The following CSGALNACT1 variants were observed in gnomAD, a reference collection of about 807,000 sequenced individuals.
The protein encoded by CSGALNACT1 is chondroitin sulfate N-acetylgalactosaminyltransferase 1.
Under a neutral mutation model 51.0 loss-of-function variants are expected in CSGALNACT1, and 52 were observed. The observed-to-expected ratio is 1.02, with a 90% confidence interval of 0.82 to 1.29. The LOEUF is 1.29. Among genes scored for constraint, CSGALNACT1 ranks in the 50% most tolerant of loss-of-function variants. The pLI, the probability that CSGALNACT1 is intolerant of heterozygous loss-of-function variation, is 0.00. For synonymous variants in CSGALNACT1, 341 were observed against 254.4 expected (o/e 1.34, Z -3.24); for missense variants, 935 against 679.2 (o/e 1.38, Z -4.19).
At chr8:19,491,205 T>C (rs2074289416) in intron 4 of CSGALNACT1, among the ~76,000 whole-genome samples, 1 of 152,168 alleles carries the variant, frequency 6.6e-6, no homozygotes, top group African/African-American at 2.4e-5. Flanking sequence ...CTTTGTCCTA[T>C]GTTAATATTT....
chr8:19,653,797 TAAAA>T (rs111466105), intron 1 of CSGALNACT1, among the ~76,000 whole-genome samples: 2 of 147,844 alleles, frequency 1.4e-5, no homozygotes, highest in South Asian at 2.2e-4. Context: ...TACCTTGTCT[TAAAA>T]AAAAAAAAAA....
intron 4 of CSGALNACT1, among the ~76,000 whole-genome samples, chr8:19,502,842 C>A (rs1246401966): frequency 2.6e-5 from 4 of 152,164 alleles, no homozygotes; most frequent in Non-Finnish European, 5.9e-5. Context: ...TTGAAAAGGT[C>A]CCCAAATGTA....
chr8:19,486,348 C>T (rs1029793369), intron 4 of CSGALNACT1, among the ~76,000 whole-genome samples: 9 of 152,126 alleles, frequency 5.9e-5, no homozygotes, highest in African/African-American at 1.9e-4. Context: ...CCTACCTCCC[C>T]AAGTCTATTC....
At chr8:19,544,566 G>A (rs1361254365) in intron 3 of CSGALNACT1, among the ~76,000 whole-genome samples, 1 of 152,134 alleles carries the variant, frequency 6.6e-6, no homozygotes, top group African/African-American at 2.4e-5. Context: ...CTGATTGAAT[G>A]ACCCTTTTGC....
chr8:19,736,638 G>A (rs1458385834), intron 1 of CSGALNACT1, among the ~76,000 whole-genome samples: 1 of 152,004 alleles, frequency 6.6e-6, no homozygotes, highest in East Asian at 1.9e-4. Context: ...CCGAATAGAT[G>A]GTCTACATGT....
Position 19,513,436 on chromosome 8 carries a change from C to CTATATATATATATATATA in CSGALNACT1, c.-296-7324_-296-7307dup, listed in dbSNP as rs1554650175. On this transcript the variant is annotated intron_variant, in intron 3 of 9. Transcript: ENST00000454498. ...TCTCACTCTCTCTCTCTCTCTCTCT[C>CTATATATATATATATATA]TATATATATATATATATATATATAT... is the stretch of plus-strand genomic sequence containing the variant. 5.7e-3 allele frequency among the ~76,000 whole-genome samples: 464 copies of CTATATATATATATATATA among 81,816 alleles called. 12 individuals are homozygous for CTATATATATATATATATA. Among genetic ancestry groups the CTATATATATATATATATA allele is most frequent in the Non-Finnish European group, 8.6e-3 (334 of 38,906 alleles). The allele number at this position is 81,816 out of a possible 152,430, so 53.7% of individuals were successfully genotyped here. A position where few individuals can be genotyped will look rare whatever the true frequency, so the allele number is the denominator to read the frequency against.
At chr8:19,640,362 A>C (rs1474969027) in intron 1 of CSGALNACT1, among the ~76,000 whole-genome samples, 2 of 152,110 alleles carry the variant, frequency 1.3e-5, no homozygotes, top group Non-Finnish European at 2.9e-5. Context: ...CCAACTCTCA[A>C]ATCTCACTGT....
At chr8:19,664,516 A>T (rs1305514969) in intron 1 of CSGALNACT1, among the ~76,000 whole-genome samples, 1 of 152,170 alleles carries the variant, frequency 6.6e-6, no homozygotes, top group African/African-American at 2.4e-5. Context: ...CATTACATTA[A>T]AAAGACACCT....
At chr8:19,446,211 G>T (rs563479032) in intron 5 of CSGALNACT1, among the ~76,000 whole-genome samples, 1 of 152,140 alleles carries the variant, frequency 6.6e-6, no homozygotes, top group Non-Finnish European at 1.5e-5. Flanking sequence ...AAATGCATGA[G>T]AAAGGAGGAA....
intron 1 of CSGALNACT1, among the ~76,000 whole-genome samples, chr8:19,694,616 T>C (rs1321705511): frequency 6.6e-6 from 1 of 152,224 alleles, no homozygotes; most frequent in Non-Finnish European, 1.5e-5. Context: ...TTGGAAATAC[T>C]CAGTTAGTGC....
chr8:19,427,264 G>A (rs761193329), intron 6 of CSGALNACT1, among the ~76,000 whole-genome samples: 1 of 152,220 alleles, frequency 6.6e-6, no homozygotes, highest in African/African-American at 2.4e-5. Flanking sequence ...ATCTCAGAAT[G>A]GTCACAATGC....
chr8:19,650,933 A>C (rs967064282), intron 1 of CSGALNACT1, among the ~76,000 whole-genome samples: 1 of 152,156 alleles, frequency 6.6e-6, no homozygotes, highest in Non-Finnish European at 1.5e-5. Context: ...AAAGTGCTGG[A>C]AAGAGGCATC....
chr8:19,594,714 T>C (rs2048529779), intron 2 of CSGALNACT1, among the ~76,000 whole-genome samples: 1 of 151,950 alleles, frequency 6.6e-6, no homozygotes, highest in African/African-American at 2.4e-5. Context: ...TGGCTAATTT[T>C]TTTTTTTTTT....
chr8:19,749,933 G>C (rs1157107980), intron 1 of CSGALNACT1, among the ~76,000 whole-genome samples: 1 of 152,196 alleles, frequency 6.6e-6, no homozygotes, highest in Non-Finnish European at 1.5e-5. Context: ...GCACCAATCT[G>C]GAGATGCACC....
chr8:19,430,371 G>C lies in CSGALNACT1; in HGVS notation c.953+9459C>G, dbSNP rs148541677. On this transcript the variant is annotated intron_variant, in intron 6 of 9. Coordinates refer to ENST00000454498, the Ensembl canonical transcript of CSGALNACT1. ...TTGATCCATTTTGACTTCAAGTTTT[G>C]TATATATAGTGGATGTATACCTATC... Among the ~76,000 whole-genome samples the C allele has an allele frequency of 7.2e-3, 1,101 of 152,168 alleles. 15 individuals carry two copies. Among genetic ancestry groups the C allele is most frequent in the Non-Finnish European group, 9.6e-3 (650 of 67,990 alleles).
chr8:19,419,412 A>G (rs532804014), intron 7 of CSGALNACT1, among the ~76,000 whole-genome samples: 6 of 152,186 alleles, frequency 3.9e-5, no homozygotes, highest in African/African-American at 2.4e-5. Flanking sequence ...ACTTTGGGTC[A>G]GGGTGACTTT....
At chr8:19,442,500 C>T (rs1346253952) in intron 5 of CSGALNACT1, among the ~76,000 whole-genome samples, 1 of 146,002 alleles carries the variant, frequency 6.8e-6, no homozygotes, top group African/African-American at 2.6e-5. Flanking sequence ...TGTTCTCACT[C>T]ATAGGTGGGA....
intron 6 of CSGALNACT1, among the ~76,000 whole-genome samples, chr8:19,426,499 T>C (rs1027403331): frequency 6.6e-6 from 1 of 152,258 alleles, no homozygotes; most frequent in Non-Finnish European, 1.5e-5. Flanking sequence ...AATGTGCATT[T>C]ATTACGGTAG....
At chr8:19,688,299 C>T (rs1484057292) in intron 1 of CSGALNACT1, among the ~76,000 whole-genome samples, 1 of 152,120 alleles carries the variant, frequency 6.6e-6, no homozygotes, top group Non-Finnish European at 1.5e-5. Flanking sequence ...CCTATAGGGA[C>T]GTCACCAGGG....
Sources: gnomAD v4.1 joint callset for allele counts (sites outside exome capture counted in the v4.1 genomes callset) on GRCh38, gnomAD v4.1.1 for gene constraint, MANE v1.5 for transcripts, NCBI Gene and HGNC (gene_info 2026-07-23, HGNC 2026-07-21) for gene names.